Variants in CACNA2D4 observed in about 807,000 individuals in gnomAD.
CACNA2D4 encodes calcium voltage-gated channel auxiliary subunit alpha2delta 4, also known as voltage-dependent calcium channel subunit alpha-2/delta-4.
Under a neutral mutation model 163.8 loss-of-function variants are expected in CACNA2D4, and 157 were observed. The observed-to-expected ratio is 0.96, with a 90% CI of 0.84 to 1.09. The LOEUF (loss-of-function observed/expected upper bound fraction) is 1.09. Among genes scored for constraint, CACNA2D4 ranks in the 50% least tolerant of loss-of-function variants. CACNA2D4 has a pLI of 0.00. For synonymous variants in CACNA2D4, 598 were observed against 586.9 expected (o/e 1.02, Z -0.27); for missense variants, 1,410 against 1,479.9 (o/e 0.95, Z 0.78).
chr12:1,832,291 G>A (rs367610788), intron 26 of CACNA2D4, among the ~76,000 whole-genome samples: 4 of 152,142 alleles, frequency 2.6e-5, no homozygotes, highest in Non-Finnish European at 2.9e-5. Context: ...GGCAGGGCCT[G>A]GTCTGTAAAG....
intron 26 of CACNA2D4, among the ~76,000 whole-genome samples, chr12:1,825,170 G>A (rs967587432): frequency 6.6e-5 from 10 of 152,226 alleles, no homozygotes; most frequent in African/African-American, 2.4e-4. Flanking sequence ...ACCTGCACAA[G>A]AGGCCGCCTT....
At chr12:1,911,269 C>A (rs368920316) in intron 3 of CACNA2D4, among the ~76,000 whole-genome samples, 16 of 152,118 alleles carry the variant, frequency 1.1e-4, no homozygotes, top group Admixed American at 3.9e-4. Context: ...GATCTGCCGG[C>A]CTTGGCTTCC....
chr12:1,811,915 A>G (rs1050609031), intron 26 of CACNA2D4, 192 bp from the exon 27 acceptor site: 23 of 589,062 alleles, frequency 3.9e-5, no homozygotes, highest in Non-Finnish European at 6.9e-5. Context: ...AAGAACAGAG[A>G]CGGCAGCCTC....
chr12:1,834,767 C>G lies in CACNA2D4; in HGVS notation c.2551+5972G>C, dbSNP rs145529491. The G allele has an allele frequency of 1.3e-6, 2 of 1,530,336 alleles. No homozygotes were observed. Among genetic ancestry groups the G allele is most frequent in the Admixed American group, 1.9e-5 (1 of 52,764 alleles). 94.8% of individuals were successfully genotyped at this position (1,530,336 alleles called of 1,614,324 possible). A position where few individuals can be genotyped will look rare whatever the true frequency, so the allele number is the denominator to read the frequency against. ...AGGTAGGAAGGGCGGGGAGAGCACA[C>G]GGCATTGCTCAGCCACAGCTCCCAC... On this transcript the variant is annotated intron_variant, in intron 26 of 37. Transcript: ENST00000382722. The surrounding 1 kb of genome is among the most constrained non-coding windows in gnomAD (Gnocchi z 7.6).
intron 29 of CACNA2D4, among the ~76,000 whole-genome samples, chr12:1,808,569 A>ACCC (rs2154445745): frequency 6.6e-6 from 1 of 152,210 alleles, no homozygotes; most frequent in East Asian, 1.9e-4. Context: ...ACGCTCGCCT[A>ACCC]CCCCTGCTCT....
chr12:1,816,808 GCA>G (rs1356934774), intron 26 of CACNA2D4, among the ~76,000 whole-genome samples: 2 of 151,822 alleles, frequency 1.3e-5, no homozygotes, highest in Non-Finnish European at 1.5e-5. Flanking sequence ...ACACATGCAT[GCA>G]CACACACTTG....
intron 18 of CACNA2D4, among the ~76,000 whole-genome samples, chr12:1,861,772 G>A (rs1450561927): frequency 1.3e-5 from 2 of 152,000 alleles, no homozygotes; most frequent in Non-Finnish European, 2.9e-5. Context: ...AGGAAAGGGT[G>A]GATGCACAGA....
At chr12:1,821,820 G>A (rs991381058) in intron 26 of CACNA2D4, among the ~76,000 whole-genome samples, 2 of 152,122 alleles carry the variant, frequency 1.3e-5, no homozygotes, top group African/African-American at 2.4e-5. Context: ...TCCAGTTGGC[G>A]GCCCTGTCTC....
chr12:1,852,108 G>C (rs1223744101), intron 23 of CACNA2D4, among the ~76,000 whole-genome samples: 1 of 152,024 alleles, frequency 6.6e-6, no homozygotes, highest in Non-Finnish European at 1.5e-5. Flanking sequence ...CTCTCATTGG[G>C]TATAGTAATT....
intron 25 of CACNA2D4, among the ~76,000 whole-genome samples, chr12:1,842,918 C>T (rs1592704868): frequency 6.6e-6 from 1 of 152,160 alleles, no homozygotes; most frequent in East Asian, 1.9e-4. Context: ...AACTCCCCCT[C>T]CCTCTTTCCT....
intron 26 of CACNA2D4, among the ~76,000 whole-genome samples, chr12:1,822,430 C>A (rs1179225295): frequency 6.6e-6 from 1 of 152,086 alleles, no homozygotes; most frequent in African/African-American, 2.4e-5. Flanking sequence ...AGCCAAGCCT[C>A]CTGTGCCCTG....
intron 23 of CACNA2D4, among the ~76,000 whole-genome samples, chr12:1,848,761 C>T (rs181169602): frequency 0.18 from 12,321 of 68,096 alleles, 592 homozygotes; most frequent in African/African-American, 0.25. Flanking sequence ...TAACCCATTG[C>T]AATTATTATT....
intron 23 of CACNA2D4, among the ~76,000 whole-genome samples, chr12:1,851,674 T>TGTGTGTGTGC (rs1865284257): frequency 4.3e-5 from 3 of 69,840 alleles, no homozygotes; most frequent in Non-Finnish European, 8.4e-5. Flanking sequence ...TGTGTGTGTG[T>TGTGTGTGTGC]GTGCGTTTTT....
intron 1 of CACNA2D4, 190 bp downstream of exon 1, chr12:1,918,057 T>C: frequency 1.8e-6 from 1 of 569,506 alleles, no homozygotes; most frequent in East Asian, 3.1e-5. Context: ...ACAGAGCTTT[T>C]GGGAGGAGAA....
At chr12:1,887,718 C>A (rs1177978676) in intron 6 of CACNA2D4, among the ~76,000 whole-genome samples, 1 of 152,122 alleles carries the variant, frequency 6.6e-6, no homozygotes, top group African/African-American at 2.4e-5. Flanking sequence ...TATAGATGCA[C>A]AGAAAACACT....
chr12:1,842,716 C>G (rs1865055160), intron 25 of CACNA2D4, among the ~76,000 whole-genome samples: 1 of 141,344 alleles, frequency 7.1e-6, no homozygotes, highest in African/African-American at 2.6e-5. Context: ...GGGCCTGGGG[C>G]AGGGGCTGGG....
chr12:1,866,546 G>T (rs1865654482), intron 18 of CACNA2D4, among the ~76,000 whole-genome samples: 1 of 152,146 alleles, frequency 6.6e-6, no homozygotes, highest in South Asian at 2.1e-4. Context: ...TCAGCCTAAA[G>T]AATTTTCTGA....
chr12:1,876,549 C>T (rs1014473712), intron 16 of CACNA2D4, among the ~76,000 whole-genome samples: 1 of 152,204 alleles, frequency 6.6e-6, no homozygotes, highest in South Asian at 2.1e-4. Flanking sequence ...AATGAGGCCC[C>T]CAGCAGATGC....
At chr12:1,895,125 A>G (rs1173462339) in intron 6 of CACNA2D4, among the ~76,000 whole-genome samples, 13 of 152,158 alleles carry the variant, frequency 8.5e-5, no homozygotes, top group Admixed American at 8.5e-4. Context: ...CAAGAAGGCA[A>G]TCTCATTTAC....
Sources: gnomAD v4.1 joint callset for allele counts (sites outside exome capture counted in the v4.1 genomes callset) on GRCh38, gnomAD v4.1.1 for gene constraint, Gnocchi (gnomAD v3.1) non-coding constraint, MANE v1.5 for transcripts, NCBI Gene and HGNC (gene_info 2026-07-23, HGNC 2026-07-21) for gene names.